The following RIOK1 variants were observed in gnomAD, a reference collection of about 807,000 sequenced individuals.
The protein encoded by RIOK1 is serine/threonine-protein kinase RIO1.
In RIOK1, 66 loss-of-function variants were observed where a neutral mutation model predicts 73.5. The ratio of observed to expected loss-of-function variants is 0.90; its 90% confidence interval spans 0.74 to 1.10. The LOEUF (loss-of-function observed/expected upper bound fraction) is 1.10, where lower values mean the gene tolerates loss of function less well. Among genes scored for constraint, RIOK1 ranks in the 50% least tolerant of loss-of-function variants. The pLI, the probability that RIOK1 is intolerant of heterozygous loss-of-function variation, is 0.00. For synonymous variants in RIOK1, 224 were observed against 226.8 expected (o/e 0.99, Z 0.11); for missense variants, 658 against 699.8 (o/e 0.94, Z 0.67).
chr6:7,393,384 A>G, intron 2 of RIOK1, 81 bp downstream of exon 2: 1 of 1,139,468 alleles, frequency 8.8e-7, no homozygotes, highest in Non-Finnish European at 1.3e-6. Context: ...TGATTCTGAA[A>G]TTGAATAACT....
chr6:7,417,102 C>T lies in RIOK1; in HGVS notation c.1597-229C>T, dbSNP rs9406029. On this transcript the variant is annotated intron_variant, in intron 16 of 16. Coordinates refer to ENST00000379834, the MANE Select transcript of RIOK1 (RefSeq NM_031480.3). ...CTACCAAAAAATACCCCAAAAAAAC[C>T]TAGCCAGGTGTGGTGGTGCACACCT... 2.6e-5 allele frequency among the ~76,000 whole-genome samples: 4 copies of T among 151,588 alleles called. No individual in the cohort carries two copies. In the East Asian group the frequency reaches 7.9e-4, roughly 30 times the overall value.
rs1267607901 is a variant in RIOK1 at position 7,404,973 on chromosome 6, C to T, written c.1048C>T (p.His350Tyr). The change falls in exon 11 of 17, where the codon CAC (histidine) becomes TAC (tyrosine). Residue 350 changes from histidine to tyrosine, a missense_variant. His to Tyr is a moderately conservative substitution (Grantham distance 83). Coordinates refer to ENST00000379834, the MANE Select transcript of RIOK1 (RefSeq NM_031480.3). ...IDVSQSVEHD[H>Y]PHALEFLRKD... Reference sequence around the variant, plus strand: ...CGTGTCTCAGTCCGTGGAGCACGACCACCCACATGCCTTGGAGTTCTTGAG... The same window carrying T: ...CGTGTCTCAGTCCGTGGAGCACGACTACCCACATGCCTTGGAGTTCTTGAG... The T allele has an allele frequency of 6.2e-7, 1 of 1,614,052 alleles. No homozygotes were observed. Among genetic ancestry groups the T allele is most frequent in the African/African-American group, 1.3e-5 (1 of 74,946 alleles).
intron 10 of RIOK1, 53 bp from the exon 11 acceptor site, chr6:7,404,864 GA>G: frequency 6.9e-7 from 1 of 1,448,378 alleles, no homozygotes; most frequent in Non-Finnish European, 9.6e-7. Flanking sequence ...TATTTTAAAC[GA>G]AAAACATAGT....
Position 7,417,880 on chromosome 6 carries a change from A to G in RIOK1, c.*439A>G, listed in dbSNP as rs1762047362. On this transcript the variant is annotated 3_prime_UTR_variant, in exon 17 of 17. Transcript: ENST00000379834. Reference sequence around the variant, plus strand: ...CATCTGATTATAAGGCCATGTTTATATAAAGGGAATTTCACCCACAGTTCA... The same window carrying G: ...CATCTGATTATAAGGCCATGTTTATGTAAAGGGAATTTCACCCACAGTTCA... The G allele has an allele frequency of 6.6e-6, 1 of 152,282 alleles. No individual in the cohort carries two copies. Among genetic ancestry groups the G allele is most frequent in the Non-Finnish European group, 1.5e-5 (1 of 68,080 alleles). 9.4% of individuals were successfully genotyped at this position (152,282 alleles called of 1,614,324 possible). A position where few individuals can be genotyped will look rare whatever the true frequency, so the allele number is the denominator to read the frequency against.
rs766972453 is a variant in RIOK1, at chr6:7,404,948, C to T, written c.1023C>T (p.Asp341=). The T allele has an allele frequency of 3.7e-6, 6 of 1,613,962 alleles. No homozygotes were observed. Among genetic ancestry groups the T allele is most frequent in the African/African-American group, 1.3e-5 (1 of 74,940 alleles). The change falls in exon 11 of 17, where the codon GAC becomes GAT. Residue 341 remains aspartate, a synonymous_variant. Coordinates refer to ENST00000379834, the MANE Select transcript of RIOK1 (RefSeq NM_031480.3). ...ACGGTGGAGGCGTGTATATCATTGA[C>T]GTGTCTCAGTCCGTGGAGCACGACC... ...LYHGGGVYII[D]VSQSVEHDHP...
chr6:7,394,956 G>C, intron 2 of RIOK1, 97 bp from the exon 3 acceptor site: 2 of 1,540,446 alleles, frequency 1.3e-6, no homozygotes, highest in African/African-American at 2.7e-5. Context: ...TCTAAGTATT[G>C]ATGCTTTAAT....
Position 7,403,846 on chromosome 6 carries a change from T to C in RIOK1, c.768-95T>C, listed in dbSNP as rs1761671766. 1.9e-5 allele frequency: 15 copies of C among 780,866 alleles called. No homozygotes were observed. In the Middle Eastern group the frequency reaches 7.4e-4, roughly 38 times the overall value. 48.4% of individuals were successfully genotyped at this position (780,866 alleles called of 1,614,324 possible). ...ATTTGAGAGGCCTTGGTGCTATTTC[T>C]TAACAGCAATATTAATCTTGGGACC... On this transcript the variant is annotated intron_variant, in intron 8 of 16. Coordinates refer to ENST00000379834, the MANE Select transcript of RIOK1 (RefSeq NM_031480.3).
In RIOK1 at chr6:7,404,944, T is replaced by C. The variant is rs1222985510; in HGVS notation, c.1019T>C (p.Ile340Thr). 2.0e-5 allele frequency: 33 copies of C among 1,614,036 alleles called. No homozygotes were observed. Among genetic ancestry groups the C allele is most frequent in the Non-Finnish European group, 2.8e-5 (33 of 1,180,012 alleles). ...TACCACGGTGGAGGCGTGTATATCATTGACGTGTCTCAGTCCGTGGAGCAC... is the reference window on the plus strand; with the variant it reads ...TACCACGGTGGAGGCGTGTATATCACTGACGTGTCTCAGTCCGTGGAGCAC... ...MLYHGGGVYI[I>T]DVSQSVEHDH... is the part of the protein sequence containing the mutation. The change falls in exon 11 of 17, where the codon ATT becomes ACT. Residue 340 changes from isoleucine to threonine, a missense_variant. Transcript: ENST00000379834.
At chr6:7,414,052 A>T (rs1761944856) in intron 15 of RIOK1, among the ~76,000 whole-genome samples, 186 bp from the exon 16 acceptor site, 1 of 152,150 alleles carries the variant, frequency 6.6e-6, no homozygotes, top group Non-Finnish European at 1.5e-5. Context: ...CCTTACTTGG[A>T]GTGGCTACTT....
intron 9 of RIOK1, 71 bp from the exon 10 acceptor site, chr6:7,404,347 G>T (rs1034619784): frequency 2.3e-5 from 35 of 1,533,272 alleles, no homozygotes; most frequent in Non-Finnish European, 2.9e-5. Context: ...GAAGAGAAGG[G>T]CATGTAACAG....
At chr6:7,395,833 C>T (rs369547414) in intron 3 of RIOK1, among the ~76,000 whole-genome samples, 5 of 151,954 alleles carry the variant, frequency 3.3e-5, no homozygotes, top group African/African-American at 1.2e-4. Flanking sequence ...CCTTAGCCTC[C>T]CAAGTAGCTA....
intron 4 of RIOK1, among the ~76,000 whole-genome samples, chr6:7,398,042 T>G (rs1482522437): frequency 4.6e-5 from 7 of 152,158 alleles, no homozygotes; most frequent in Admixed American, 3.9e-4. Flanking sequence ...CTCGGGAGGC[T>G]GAGGCAGGAG....
intron 4 of RIOK1, among the ~76,000 whole-genome samples, chr6:7,397,219 G>A (rs564036384): frequency 8.5e-5 from 13 of 152,238 alleles, no homozygotes; most frequent in Admixed American, 3.3e-4. Context: ...AGCCAAGATC[G>A]TGCCACTGCA....
rs921125787 is a variant in RIOK1 at position 7,404,513 on chromosome 6, A to G, written c.950A>G (p.Asp317Gly). 1.2e-6 allele frequency: 2 copies of G among 1,614,184 alleles called. No homozygotes were observed. The highest frequency in any genetic ancestry group is 2.2e-5 in the East Asian group (1 of 44,882). Reference protein sequence around the residue: ...VIQYMRRMYQDARLVHADLSE... With the variant: ...VIQYMRRMYQGARLVHADLSE... Reference sequence around the variant, plus strand: ...CAGTACATGAGAAGAATGTATCAGGATGCCAGACTTGTCCATGCAGATCTC... The same window carrying G: ...CAGTACATGAGAAGAATGTATCAGGGTGCCAGACTTGTCCATGCAGATCTC... Residue 317 changes from aspartate (D) to glycine (G), a missense_variant, in exon 10 of 17, where the codon GAT (aspartate) becomes GGT (glycine). Coordinates refer to ENST00000379834, the MANE Select transcript of RIOK1 (RefSeq NM_031480.3).
At position 7,389,883 on chromosome 6, in the gene RIOK1, C is replaced by A. The variant is rs1476529710; in HGVS notation, c.-120C>A. On this transcript the variant is annotated 5_prime_UTR_variant, in exon 1 of 17. Transcript: ENST00000379834. ...CGTCGCACGTGGTGGCCACTGTTGG[C>A]TTCTGAATGGTTTGCAAGGCGGATA... is the stretch of plus-strand genomic sequence containing the variant. 7 of 732,242 alleles carry A rather than the reference C, an allele frequency of 9.6e-6. No individual in the cohort carries two copies. Among genetic ancestry groups the A allele is most frequent in the Non-Finnish European group, 4.5e-6 (2 of 443,892 alleles). 45.4% of individuals were successfully genotyped at this position (732,242 alleles called of 1,614,324 possible). A position where few individuals can be genotyped will look rare whatever the true frequency, so the allele number is the denominator to read the frequency against.
intron 12 of RIOK1, among the ~76,000 whole-genome samples, chr6:7,406,333 C>A (rs1761746258): frequency 6.6e-6 from 1 of 152,118 alleles, no homozygotes; most frequent in South Asian, 2.1e-4. Context: ...TTTTAGAATT[C>A]TGGTAAAAGA....
chr6:7,402,689 G>C lies in RIOK1; in HGVS notation c.660G>C (p.Arg220=), dbSNP rs745455912. 6 of 1,611,274 alleles carry C rather than the reference G, an allele frequency of 3.7e-6. No homozygotes were observed. The highest frequency in any genetic ancestry group is 5.1e-6 in the Non-Finnish European group (6 of 1,178,308). Residue 220 remains arginine, a synonymous_variant, in exon 7 of 17, where the codon CGG becomes CGC. Coordinates refer to ENST00000379834, the MANE Select transcript of RIOK1 (RefSeq NM_031480.3). The stretch of plus-strand genomic sequence containing the variant: ...CTTCTATTTTGGTGTTCAAAGATCG[G>C]GATAAATATGTAAGTGGAGAATTCA... ...YKTSILVFKD[R]DKYVSGEFRF...
Position 7,414,402 on chromosome 6 carries a change from A to C in RIOK1, c.1596+12A>C, listed in dbSNP as rs1417925206. The stretch of plus-strand genomic sequence containing the variant: ...ACATTGATAAAAAAGTAAGCAATGA[A>C]ATACCTTCCCCTTTTCTTTAGTGTG... On this transcript the variant is annotated intron_variant, in intron 16 of 16. Coordinates refer to ENST00000379834, the MANE Select transcript of RIOK1 (RefSeq NM_031480.3). 6.3e-7 allele frequency: 1 copy of C among 1,596,100 alleles called. No homozygotes were observed. The highest frequency in any genetic ancestry group is 1.8e-5 in the Admixed American group (1 of 55,564).
At chr6:7,417,119 T>A (rs1035012445) in intron 16 of RIOK1, among the ~76,000 whole-genome samples, 5 of 150,888 alleles carry the variant, frequency 3.3e-5, no homozygotes, top group Non-Finnish European at 7.4e-5. Flanking sequence ...GGTGTGGTGG[T>A]GCACACCTGT....
Sources: gnomAD v4.1 joint callset for allele counts (sites outside exome capture counted in the v4.1 genomes callset) on GRCh38, gnomAD v4.1.1 for gene constraint, MANE v1.5 for transcripts, NCBI Gene and HGNC (gene_info 2026-07-23, HGNC 2026-07-21) for gene names.